PCDH15: variants seen among roughly 807,000 people sequenced by gnomAD.
The protein encoded by PCDH15 is protocadherin related 15, also known as protocadherin-15.
A neutral mutation model predicts 178.5 loss-of-function variants in PCDH15; 129 were observed. The ratio of observed to expected loss-of-function variants is 0.72; its 90% CI spans 0.63 to 0.84. PCDH15 has a LOEUF of 0.84. Among genes scored for constraint, PCDH15 ranks in the 40% least tolerant of loss-of-function variants. PCDH15 has a pLI of 0.00. For synonymous variants in PCDH15, 800 were observed against 732.0 expected, an observed-to-expected ratio of 1.09 and a Z score of -1.50; for missense variants, 2,230 against 2,099.9, an observed-to-expected ratio of 1.06 and a Z score of -1.21.
At chr10:55,209,332 T>C (rs1259671085) in intron 1 of PCDH15, among the ~76,000 whole-genome samples, 1 of 152,112 alleles carries the variant, frequency 6.6e-6, no homozygotes, top group Non-Finnish European at 1.5e-5. Context: ...CATCAGATGA[T>C]TCTGAAGAGA....
At chr10:55,338,808 C>A (rs1240930527) in intron 2 of PCDH15, among the ~76,000 whole-genome samples, 1 of 151,954 alleles carries the variant, frequency 6.6e-6, no homozygotes, top group African/African-American at 2.4e-5. Flanking sequence ...AACAAACAAA[C>A]AAAATCCTTT....
At chr10:54,640,479 A>C (rs944440405) in intron 2 of PCDH15, among the ~76,000 whole-genome samples, 5 of 152,140 alleles carry the variant, frequency 3.3e-5, no homozygotes, top group Admixed American at 3.3e-4. Context: ...TTACTGAACA[A>C]TGATTTTTTT....
At chr10:54,821,199 A>G (rs907694815) in intron 3 of PCDH15, among the ~76,000 whole-genome samples, 1 of 152,040 alleles carries the variant, frequency 6.6e-6, no homozygotes, top group East Asian at 1.9e-4. Context: ...TGAAATCCAT[A>G]TCAGCATTTT....
chr10:55,567,091 G>C (rs118013424), intron 2 of PCDH15, among the ~76,000 whole-genome samples: 3 of 151,774 alleles, frequency 2.0e-5, no homozygotes, highest in Non-Finnish European at 4.4e-5. Flanking sequence ...CATATGGACC[G>C]GTGTAATAGG....
intron 1 of PCDH15, among the ~76,000 whole-genome samples, chr10:54,695,112 G>A (rs1302549442): frequency 6.6e-6 from 1 of 152,134 alleles, no homozygotes; most frequent in African/African-American, 2.4e-5. Flanking sequence ...TATAACTAAT[G>A]TTAAATGATG....
At chr10:53,822,421 G>T (rs777907530) in intron 32 of PCDH15, 1 of 1,584,402 alleles carries the variant, frequency 6.3e-7, no homozygotes, top group South Asian at 1.1e-5. Flanking sequence ...GAAATGTCAG[G>T]AGGAGGAGCA....
rs575059234 is a variant in PCDH15, at chr10:54,661,059, AG to A, written c.91+3112del. ...GATGGCCACTCTCAGCAATCAGGCA[AG>A]GAAAATAAATAAATGTCTTCCATAT... is the stretch of plus-strand genomic sequence containing the variant. On this transcript the variant is annotated intron_variant, in intron 2 of 37. Coordinates refer to ENST00000644397, the MANE Select transcript of PCDH15 (RefSeq NM_001384140.1). 2.3e-3 allele frequency among the ~76,000 whole-genome samples: 347 copies of A among 152,082 alleles called. 1 individual carries two copies. The highest frequency in any genetic ancestry group is 8.2e-3 in the African/African-American group (341 of 41,552).
chr10:54,958,824 T>A (rs1448692983), intron 2 of PCDH15, among the ~76,000 whole-genome samples: 2 of 151,890 alleles, frequency 1.3e-5, no homozygotes, highest in Non-Finnish European at 2.9e-5. Context: ...AACTTCTAGA[T>A]AATTTTCATA....
At chr10:54,078,874 T>C (rs1472804881) in intron 17 of PCDH15, among the ~76,000 whole-genome samples, 1 of 152,186 alleles carries the variant, frequency 6.6e-6, no homozygotes, top group Non-Finnish European at 1.5e-5. Context: ...TACTGCTACT[T>C]ACAAATGCCT....
At chr10:55,260,212 A>G (rs144998923) in intron 1 of PCDH15, among the ~76,000 whole-genome samples, 1 of 152,200 alleles carries the variant, frequency 6.6e-6, no homozygotes, top group East Asian at 1.9e-4. Flanking sequence ...AGAGGATACT[A>G]TGAGTACAGA....
chr10:54,880,245 C>G (rs1315732008), intron 3 of PCDH15, among the ~76,000 whole-genome samples: 6 of 152,120 alleles, frequency 3.9e-5, no homozygotes, highest in African/African-American at 1.4e-4. Flanking sequence ...AATCAAAACT[C>G]CTATGGAGAT....
At chr10:54,183,616 T>C in intron 12 of PCDH15, 23 bp from the exon 13 acceptor site, 1 of 1,612,554 alleles carries the variant, frequency 6.2e-7, no homozygotes, top group South Asian at 1.1e-5. Context: ...AAAAATACAC[T>C]TAGTAGAGAT....
chr10:55,087,736 A>T (rs1478904264), intron 2 of PCDH15, among the ~76,000 whole-genome samples: 2 of 152,146 alleles, frequency 1.3e-5, no homozygotes, highest in Non-Finnish European at 2.9e-5. Context: ...CAGAACCAGA[A>T]AATATTGGAT....
chr10:54,794,116 A>T (rs1252138260), intron 1 of PCDH15, among the ~76,000 whole-genome samples: 1 of 146,866 alleles, frequency 6.8e-6, no homozygotes, highest in Non-Finnish European at 1.5e-5. Context: ...TTCCTTTAAG[A>T]TATATATAAG....
At chr10:55,567,469 C>T (rs1298621216) in intron 2 of PCDH15, among the ~76,000 whole-genome samples, 11 of 150,358 alleles carry the variant, frequency 7.3e-5, no homozygotes, top group African/African-American at 2.7e-4. Flanking sequence ...AAAATGCATG[C>T]ATCAAAAGAA....
intron 37 of PCDH15, among the ~76,000 whole-genome samples, chr10:53,807,535 G>A (rs189199024): frequency 1.2e-4 from 19 of 152,110 alleles, no homozygotes; most frequent in East Asian, 1.9e-4. Flanking sequence ...TCATATTAAC[G>A]CTTCTATTCC....
intron 14 of PCDH15, among the ~76,000 whole-genome samples, chr10:54,141,578 G>A (rs965705859): frequency 2.0e-5 from 3 of 151,818 alleles, no homozygotes; most frequent in African/African-American, 4.8e-5. Context: ...GAAAGACTGG[G>A]CTGTTTTTTT....
rs536369718 is a variant in PCDH15, at chr10:53,898,343, G to A, written c.3501+4900C>T. On this transcript the variant is annotated intron_variant, in intron 26 of 37. Coordinates refer to ENST00000644397, the MANE Select transcript of PCDH15 (RefSeq NM_001384140.1). The stretch of plus-strand genomic sequence containing the variant: ...CATGGGTGTACAAATACATGATCAA[G>A]TCTTTGGTTTCAATTATTTTAAGTA... Among the ~76,000 whole-genome samples the A allele has an allele frequency of 3.6e-3, 551 of 152,206 alleles. 5 individuals are homozygous for A. Among genetic ancestry groups the A allele is most frequent in the African/African-American group, 0.013 (522 of 41,546 alleles).
At chr10:55,020,179 A>G (rs777636143) in intron 2 of PCDH15, among the ~76,000 whole-genome samples, 3 of 150,390 alleles carry the variant, frequency 2.0e-5, no homozygotes, top group Admixed American at 2.0e-4. Flanking sequence ...CAATTAATCA[A>G]TTTGAATAAG....
Sources: allele counts gnomAD v4.1 joint callset (sites outside exome capture counted in the v4.1 genomes callset), GRCh38; gene constraint gnomAD v4.1.1; transcripts MANE v1.5; gene names NCBI Gene and HGNC (gene_info 2026-07-23, HGNC 2026-07-21).